GNB5: variants seen among roughly 807,000 people sequenced by gnomAD.
GNB5 encodes guanine nucleotide-binding protein subunit beta-5.
Under a neutral mutation model 55.3 loss-of-function variants are expected in GNB5, and 37 were observed. The ratio of observed to expected loss-of-function variants is 0.67; its 90% CI spans 0.51 to 0.88. The LOEUF is 0.88. GNB5 is among the 40% of genes least tolerant of loss of function. GNB5 has a pLI of 0.00. For missense variants in GNB5, 476 were observed against 515.3 expected (o/e 0.92, Z 0.74); for synonymous variants, 219 against 198.5 (o/e 1.10, Z -0.87).
chr15:52,149,518 T>C (rs1375299502), intron 5 of GNB5: 2 of 547,324 alleles, frequency 3.7e-6, no homozygotes, highest in African/African-American at 1.9e-5. Context: ...CTATGGAGTC[T>C]GGTCAAAGAG....
intron 3 of GNB5, among the ~76,000 whole-genome samples, chr15:52,177,738 T>A (rs2034680118): frequency 6.6e-6 from 1 of 151,434 alleles, no homozygotes; most frequent in Non-Finnish European, 1.5e-5. Context: ...AAGAGGTCAA[T>A]ACAGTGATAA....
intron 7 of GNB5, chr15:52,136,996 C>G: frequency 2.2e-6 from 1 of 454,026 alleles, no homozygotes; most frequent in South Asian, 1.6e-5. Context: ...TAACAGCTTG[C>G]TCATCCAGAC....
intron 3 of GNB5, among the ~76,000 whole-genome samples, chr15:52,173,878 T>C (rs918935758): frequency 3.3e-5 from 5 of 152,224 alleles, no homozygotes; most frequent in Admixed American, 3.3e-4. Flanking sequence ...GGAACCCTCC[T>C]GATCTAAAAG....
rs2033145228 is a variant in GNB5, at chr15:52,116,615, C to A, written c.*6142G>T. ...AAAGTTGTTAGAATTCAAATAGAGT[C>A]ACTAGTGTTTTAAAAAAACAAACCA... On this transcript the variant is annotated 3_prime_UTR_variant, in exon 13 of 13. Coordinates refer to ENST00000261837, the MANE Select transcript of GNB5 (RefSeq NM_016194.4). 1 of 152,104 alleles carries A rather than the reference C, an allele frequency of 6.6e-6. No homozygotes were observed. The highest frequency in any genetic ancestry group is 2.4e-5 in the African/African-American group (1 of 41,408). 9.4% of individuals were successfully genotyped at this position (152,104 alleles called of 1,614,324 possible).
intron 3 of GNB5, among the ~76,000 whole-genome samples, chr15:52,171,812 AC>A (rs1328226316): frequency 6.6e-6 from 1 of 152,242 alleles, no homozygotes; most frequent in East Asian, 1.9e-4. Flanking sequence ...CAATAATAAA[AC>A]TTTTCAAAAA....
At chr15:52,170,517 A>C (rs964556785) in intron 3 of GNB5, among the ~76,000 whole-genome samples, 4 of 152,164 alleles carry the variant, frequency 2.6e-5, no homozygotes, top group Non-Finnish European at 5.9e-5. Context: ...ACAAATGGAC[A>C]CATCGGGGGA....
chr15:52,169,592 A>G (rs2034520800), intron 3 of GNB5, among the ~76,000 whole-genome samples: 1 of 151,170 alleles, frequency 6.6e-6, no homozygotes. Context: ...AAAGAAAAAA[A>G]GAAAAGAAAG....
chr15:52,184,498 C>T, intron 2 of GNB5, 53 bp downstream of exon 2: 1 of 1,528,796 alleles, frequency 6.5e-7, no homozygotes, highest in Admixed American at 1.7e-5. Context: ...TCACAGGACC[C>T]TCGCTTGACT....
chr15:52,165,525 A>C (rs1484557692), intron 3 of GNB5, among the ~76,000 whole-genome samples: 1 of 152,214 alleles, frequency 6.6e-6, no homozygotes, highest in Non-Finnish European at 1.5e-5. Flanking sequence ...TACAAGCCCG[A>C]AGAGAGTGGG....
At chr15:52,135,509 T>C in intron 8 of GNB5, 104 bp downstream of exon 8, 2 of 1,007,326 alleles carry the variant, frequency 2.0e-6, no homozygotes, top group Non-Finnish European at 1.5e-6. Context: ...CTGCAGCCCC[T>C]TCTAGGGAAG....
intron 3 of GNB5, among the ~76,000 whole-genome samples, chr15:52,176,837 T>A (rs568118140): frequency 6.6e-6 from 1 of 152,196 alleles, no homozygotes; most frequent in South Asian, 2.1e-4. Flanking sequence ...CTCCAAGGGT[T>A]TCCCAACTCA....
chr15:52,141,470 G>A (rs562836530), intron 6 of GNB5, among the ~76,000 whole-genome samples, 198 bp from the exon 7 acceptor site: 11 of 137,032 alleles, frequency 8.0e-5, no homozygotes, highest in African/African-American at 3.0e-4. Flanking sequence ...GTCTTGCTCT[G>A]TTGGCCAGGT....
chr15:52,168,350 T>A (rs148618382), intron 3 of GNB5, among the ~76,000 whole-genome samples: 1 of 152,070 alleles, frequency 6.6e-6, no homozygotes, highest in Non-Finnish European at 1.5e-5. Flanking sequence ...AGCCAAATCA[T>A]GAGTGAACTC....
Position 52,117,102 on chromosome 15 carries a change from A to ATATATATATATATATTTTTTTTTT in GNB5, c.*5654_*5655insAAAAAAAAAATATATATATATATA. On this transcript the variant is annotated 3_prime_UTR_variant, in exon 13 of 13. Transcript: ENST00000261837. ...CCACGCCCAGCTAATATATATATAT[A>ATATATATATATATATTTTTTTTTT]TTTTTTTTTAGTACAGACAGGGTTT... 20 of 87,098 alleles carry ATATATATATATATATTTTTTTTTT rather than the reference A, an allele frequency of 2.3e-4. 3 individuals are homozygous for ATATATATATATATATTTTTTTTTT. The highest frequency in any genetic ancestry group is 1.2e-3 in the African/African-American group (20 of 16,444). 5.4% of individuals were successfully genotyped at this position (87,098 alleles called of 1,614,324 possible). A position where few individuals can be genotyped will look rare whatever the true frequency, so the allele number is the denominator to read the frequency against.
chr15:52,177,859 A>G (rs927085703), intron 3 of GNB5, among the ~76,000 whole-genome samples: 3 of 152,110 alleles, frequency 2.0e-5, no homozygotes, highest in Non-Finnish European at 4.4e-5. Context: ...CCAGCTCACA[A>G]ATTCTGACAT....
rs1290323074 is a variant in GNB5 at position 52,116,580 on chromosome 15, T to G, written c.*6177A>C. 1 of 150,782 alleles carries G rather than the reference T, an allele frequency of 6.6e-6. No homozygotes were observed. The highest frequency in any genetic ancestry group is 1.5e-5 in the Non-Finnish European group (1 of 68,016). The allele number at this position is 150,782 out of a possible 1,614,324, so 9.3% of individuals were successfully genotyped here. On this transcript the variant is annotated 3_prime_UTR_variant, in exon 13 of 13. Transcript: ENST00000261837. ...TCCCTTAAATGTCTATCATTTGTGT[T>G]GGGAATGTGAAAGTTGTTAGAATTC...
chr15:52,127,328 G>C (rs2033455430), intron 10 of GNB5, among the ~76,000 whole-genome samples: 1 of 152,184 alleles, frequency 6.6e-6, no homozygotes, highest in Non-Finnish European at 1.5e-5. Flanking sequence ...ACTTGCCATT[G>C]TGGATTCACT....
chr15:52,135,632 C>G lies in GNB5; in HGVS notation c.752G>C (p.Gly251Ala). The G allele has an allele frequency of 3.1e-6, 5 of 1,613,812 alleles. No individual in the cohort carries two copies. The highest frequency in any genetic ancestry group is 4.2e-6 in the Non-Finnish European group (5 of 1,179,878). Reference protein sequence around the residue: ...LCLDLAPSETGNTFVSGGCDK... With the variant: ...LCLDLAPSETANTFVSGGCDK... The stretch of plus-strand genomic sequence containing the variant: ...CTTTACCCCAGACACGAAGGTGTTT[C>G]CAGTTTCTGAGGGGGCCAGGTCCAA... Residue 251 changes from glycine to alanine, a missense_variant, in exon 8 of 13, where the codon GGA (glycine) becomes GCA (alanine). Gly to Ala is a moderately conservative substitution (Grantham distance 60). Coordinates refer to ENST00000261837, the MANE Select transcript of GNB5 (RefSeq NM_016194.4).
At position 52,138,054 on chromosome 15, in the gene GNB5, C is replaced by G. The variant is rs2033766713; in HGVS notation, c.628-2298G>C. On this transcript the variant is annotated intron_variant, in intron 7 of 12. Transcript: ENST00000261837. ...CTGCTGATGGGATCTCTCCTCCTCA[C>G]CCTTTGCCCCCTTTCCCTTTTTCTT... 3.9e-6 allele frequency: 3 copies of G among 768,734 alleles called. No individual in the cohort carries two copies. In the South Asian group the frequency reaches 4.3e-5, roughly 11 times the overall value. 47.6% of individuals were successfully genotyped at this position (768,734 alleles called of 1,614,324 possible). A position where few individuals can be genotyped will look rare whatever the true frequency, so the allele number is the denominator to read the frequency against.
Sources: allele counts gnomAD v4.1 joint callset (sites outside exome capture counted in the v4.1 genomes callset), GRCh38; gene constraint gnomAD v4.1.1; transcripts MANE v1.5; gene names NCBI Gene and HGNC (gene_info 2026-07-23, HGNC 2026-07-21).